ANKFN1: variants seen among roughly 807,000 people sequenced by gnomAD.
The protein encoded by ANKFN1 is ankyrin repeat and fibronectin type III domain containing 1, also known as ankyrin repeat and fibronectin type-III domain-containing protein 1.
A neutral mutation model predicts 108.7 loss-of-function variants in ANKFN1; 74 were observed. The ratio of observed to expected loss-of-function variants is 0.68; its 90% CI spans 0.56 to 0.83. The LOEUF (loss-of-function observed/expected upper bound fraction) is 0.83. ANKFN1 is among the 40% of genes least tolerant of loss of function. The pLI is 0.00. For synonymous variants in ANKFN1, 547 were observed against 516.2 expected (o/e 1.06, Z -0.81); for missense variants, 1,505 against 1,382.3 (o/e 1.09, Z -1.41).
rs192169731 is a variant in ANKFN1 at position 56,436,707 on chromosome 17, G to A, written c.911-3620G>A. On this transcript the variant is annotated intron_variant, in intron 8 of 20. Coordinates refer to ENST00000682825, the MANE Select transcript of ANKFN1 (RefSeq NM_001370326.1). ...TAGCCAGGTGTGGTGGTGCATGCCC[G>A]TAATCCGAGCTACTTGGGAGGCTGA... Among the ~76,000 whole-genome samples, 65 of 151,994 alleles carry A rather than the reference G, an allele frequency of 4.3e-4. 2 individuals carry two copies. The highest frequency in any genetic ancestry group is 3.8e-3 in the Admixed American group (58 of 15,256).
chr17:56,193,403 TAA>T (rs201101296), intron 1 of ANKFN1, among the ~76,000 whole-genome samples: 7 of 141,124 alleles, frequency 5.0e-5, no homozygotes, highest in African/African-American at 1.8e-4. Context: ...AAAGTATAAT[TAA>T]AAAAAAAAAT....
intron 4 of ANKFN1, among the ~76,000 whole-genome samples, chr17:56,079,069 C>T (rs549612671): frequency 6.6e-5 from 10 of 152,228 alleles, no homozygotes; most frequent in Non-Finnish European, 1.0e-4. Context: ...ACAAATAGGG[C>T]CAGCTCATTC....
chr17:56,268,259 A>G (rs1397617709), intron 3 of ANKFN1, among the ~76,000 whole-genome samples: 2 of 152,240 alleles, frequency 1.3e-5, no homozygotes, highest in Non-Finnish European at 2.9e-5. Flanking sequence ...CAATAAAAAT[A>G]GAAATCAATA....
chr17:56,167,013 T>C (rs1234837531), intron 1 of ANKFN1, among the ~76,000 whole-genome samples: 3 of 151,970 alleles, frequency 2.0e-5, no homozygotes, highest in Non-Finnish European at 4.4e-5. Context: ...GTGCTGTGCC[T>C]GGCCTAGCTT....
chr17:56,391,411 T>C (rs1008185147), intron 8 of ANKFN1, among the ~76,000 whole-genome samples: 7 of 141,674 alleles, frequency 4.9e-5, no homozygotes, highest in Non-Finnish European at 9.2e-5. Context: ...TGTGTGTGTG[T>C]ACATATATAT....
chr17:56,380,995 C>A (rs1400152413), intron 8 of ANKFN1, among the ~76,000 whole-genome samples: 1 of 152,180 alleles, frequency 6.6e-6, no homozygotes, highest in Non-Finnish European at 1.5e-5. Context: ...CAAGTGGGTC[C>A]CTGACCCCTG....
At chr17:56,411,470 T>G (rs74769481) in intron 8 of ANKFN1, among the ~76,000 whole-genome samples, 1 of 152,308 alleles carries the variant, frequency 6.6e-6, no homozygotes, top group South Asian at 2.1e-4. Flanking sequence ...TGTATGAATG[T>G]CTTTTTATTT....
chr17:56,109,380 T>C (rs1316099164), intron 4 of ANKFN1, among the ~76,000 whole-genome samples: 1 of 152,026 alleles, frequency 6.6e-6, no homozygotes, highest in African/African-American at 2.4e-5. Flanking sequence ...TAATTCTTTG[T>C]TGTGAGGGAA....
intron 18 of ANKFN1, among the ~76,000 whole-genome samples, chr17:56,488,261 C>G (rs1427323587): frequency 6.6e-6 from 1 of 152,102 alleles, no homozygotes. Context: ...GAGTCCAAAC[C>G]AAGGCAGCCT....
intron 18 of ANKFN1, among the ~76,000 whole-genome samples, chr17:56,483,863 C>T (rs1383866495): frequency 6.6e-6 from 1 of 152,068 alleles, no homozygotes; most frequent in Non-Finnish European, 1.5e-5. Flanking sequence ...GTGAGTAAGA[C>T]AAAGGTTCTT....
At chr17:56,193,773 A>G (rs1446496545) in intron 1 of ANKFN1, among the ~76,000 whole-genome samples, 1 of 152,238 alleles carries the variant, frequency 6.6e-6, no homozygotes, top group African/African-American at 2.4e-5. Context: ...AAATATTGAT[A>G]AGCCAGACTT....
chr17:56,298,407 ATG>A (rs143678348), intron 3 of ANKFN1, among the ~76,000 whole-genome samples: 359 of 152,078 alleles, frequency 2.4e-3, no homozygotes, highest in African/African-American at 8.3e-3. Context: ...TCTGCTACAC[ATG>A]TGTCATGTCA....
At chr17:56,235,387 G>A (rs551805579) in intron 3 of ANKFN1, among the ~76,000 whole-genome samples, 11 of 152,140 alleles carry the variant, frequency 7.2e-5, no homozygotes, top group East Asian at 1.9e-4. Flanking sequence ...TTTTGCTTGC[G>A]TTGCAATTAC....
intron 3 of ANKFN1, among the ~76,000 whole-genome samples, chr17:56,262,197 G>A (rs764736561): frequency 2.0e-5 from 3 of 152,138 alleles, no homozygotes; most frequent in Admixed American, 6.5e-5. Context: ...AAGGCTCTAC[G>A]ACCCTCTCCC....
Position 56,511,401 on chromosome 17 carries a change from A to C in ANKFN1, c.*132A>C. Reference sequence around the variant, plus strand: ...GAATGTTATAAATACAAAGGTTACAAGTTCAAGGTCCTCTTTTTTTGGAAC... The same window carrying C: ...GAATGTTATAAATACAAAGGTTACACGTTCAAGGTCCTCTTTTTTTGGAAC... On this transcript the variant is annotated 3_prime_UTR_variant, in exon 21 of 21. Transcript: ENST00000682825. 1 of 1,046,978 alleles carries C rather than the reference A, an allele frequency of 9.6e-7. No homozygotes were observed. The highest frequency in any genetic ancestry group is 1.7e-5 in the South Asian group (1 of 57,830). The allele number at this position is 1,046,978 out of a possible 1,614,324, so 64.9% of individuals were successfully genotyped here.
intron 14 of ANKFN1, 59 bp downstream of exon 14, chr17:56,458,038 C>A: frequency 2.2e-6 from 3 of 1,379,470 alleles, no homozygotes; most frequent in South Asian, 1.2e-5. Context: ...GTAGAAAATT[C>A]AGTTACCAGT....
At chr17:56,242,852 T>C (rs753918443) in intron 3 of ANKFN1, among the ~76,000 whole-genome samples, 6 of 152,130 alleles carry the variant, frequency 3.9e-5, no homozygotes, top group Non-Finnish European at 8.8e-5. Context: ...TCATTCCTTG[T>C]TTACTAGGAT....
chr17:56,092,379 A>G (rs916648763), intron 4 of ANKFN1, among the ~76,000 whole-genome samples: 4 of 144,840 alleles, frequency 2.8e-5, no homozygotes, highest in African/African-American at 1.0e-4. Flanking sequence ...GGTTCAGGTG[A>G]TTCTCCTGCC....
At chr17:56,375,397 C>T (rs907743970) in intron 8 of ANKFN1, among the ~76,000 whole-genome samples, 5 of 151,898 alleles carry the variant, frequency 3.3e-5, no homozygotes, top group Admixed American at 1.3e-4. Context: ...AGCATGGCTC[C>T]GAAAAAGCAT....
Sources: allele counts gnomAD v4.1 joint callset (sites outside exome capture counted in the v4.1 genomes callset), GRCh38; gene constraint gnomAD v4.1.1; transcripts MANE v1.5; gene names NCBI Gene and HGNC (gene_info 2026-07-23, HGNC 2026-07-21).